Variants in CREB5 observed in about 807,000 individuals in gnomAD.
CREB5 encodes cAMP responsive element binding protein 5.
In CREB5, 19 loss-of-function variants were observed where a neutral mutation model predicts 57.1. That is an observed-to-expected ratio of 0.33 (90% CI 0.23 to 0.49). The LOEUF is 0.49. CREB5 is among the 20% of genes least tolerant of loss of function. The pLI, the probability that CREB5 is intolerant of heterozygous loss-of-function variation, is 0.99. For synonymous variants in CREB5, 238 were observed against 238.3 expected (o/e 1.00, Z 0.01); for missense variants, 579 against 671.6 (o/e 0.86, Z 1.52).
At chr7:28,738,259 G>A (rs774069752) in intron 7 of CREB5, among the ~76,000 whole-genome samples, 3 of 152,062 alleles carry the variant, frequency 2.0e-5, no homozygotes, top group Non-Finnish European at 2.9e-5. Flanking sequence ...CCAACTTTTG[G>A]CATTATTTTT....
chr7:28,326,340 C>A (rs1477823165), intron 1 of CREB5, among the ~76,000 whole-genome samples: 1 of 152,152 alleles, frequency 6.6e-6, no homozygotes, highest in Non-Finnish European at 1.5e-5. Context: ...AGAATCCTGG[C>A]TCCCATTATC....
At chr7:28,737,508 T>G in intron 7 of CREB5, among the ~76,000 whole-genome samples, 1 of 139,110 alleles carries the variant, frequency 7.2e-6, no homozygotes, top group African/African-American at 2.8e-5. Flanking sequence ...TCTCTCTCTG[T>G]GTGTGTGTGT....
chr7:28,784,118 T>C lies in CREB5; in HGVS notation c.703-20081T>C, dbSNP rs576802066. Among the ~76,000 whole-genome samples, 8 of 152,346 alleles carry C rather than the reference T, an allele frequency of 5.3e-5. No individual in the cohort carries two copies. In the East Asian group the frequency reaches 1.5e-3, roughly 29 times the overall value. ...TCCTGTTTGGAGCATCTTTCTACTC[T>C]AGTATTTCATTGCAATTGATGGGCT... On this transcript the variant is annotated intron_variant, in intron 7 of 10. Coordinates refer to ENST00000357727, the MANE Select transcript of CREB5 (RefSeq NM_182898.4).
intron 1 of CREB5, among the ~76,000 whole-genome samples, chr7:28,429,288 A>G (rs1378287233): frequency 1.3e-5 from 2 of 152,148 alleles, no homozygotes; most frequent in Admixed American, 1.3e-4. Context: ...GGCCTCCCAA[A>G]GTGCTGGGAT....
At chr7:28,385,764 A>T (rs955646092) in intron 1 of CREB5, among the ~76,000 whole-genome samples, 1 of 152,182 alleles carries the variant, frequency 6.6e-6, no homozygotes, top group African/African-American at 2.4e-5. Flanking sequence ...ATAAAAATAT[A>T]AATTATTACT....
chr7:28,747,928 C>G (rs1246139650), intron 7 of CREB5, among the ~76,000 whole-genome samples: 4 of 152,116 alleles, frequency 2.6e-5, no homozygotes, highest in Non-Finnish European at 5.9e-5. Flanking sequence ...TGGAAGATGT[C>G]CTTAACAGGC....
At chr7:28,373,144 T>C (rs1162293114) in intron 1 of CREB5, among the ~76,000 whole-genome samples, 1 of 152,188 alleles carries the variant, frequency 6.6e-6, no homozygotes, top group Admixed American at 6.5e-5. Context: ...AGACCTGCGT[T>C]CTATCCCCTC....
At chr7:28,702,910 A>C (rs1801936354) in intron 5 of CREB5, among the ~76,000 whole-genome samples, 1 of 152,216 alleles carries the variant, frequency 6.6e-6, no homozygotes, top group Non-Finnish European at 1.5e-5. Flanking sequence ...CAAAGATCAA[A>C]AGATGCTTCA....
At chr7:28,339,933 G>A (rs187346889) in intron 1 of CREB5, among the ~76,000 whole-genome samples, 169 of 152,302 alleles carry the variant, frequency 1.1e-3, no homozygotes, top group African/African-American at 3.8e-3. Flanking sequence ...AGGCCCACGG[G>A]CAGTACTGTC....
intron 7 of CREB5, among the ~76,000 whole-genome samples, chr7:28,771,771 CTAAT>C (rs1007054934): frequency 3.7e-5 from 4 of 108,652 alleles, no homozygotes; most frequent in African/African-American, 1.4e-4. Context: ...CCTGTAATAT[CTAAT>C]TTATAGTTCC....
intron 1 of CREB5, among the ~76,000 whole-genome samples, chr7:28,422,567 A>C (rs144605809): frequency 2.0e-5 from 3 of 152,234 alleles, no homozygotes; most frequent in Admixed American, 1.3e-4. Flanking sequence ...GAAGCCATGG[A>C]CTCCAGAATG....
rs886171635 is a variant in CREB5 at position 28,822,960 on chromosome 7, T to G, written c.*3681T>G. The G allele has an allele frequency of 6.5e-6, 1 of 152,716 alleles. No individual in the cohort carries two copies. Among genetic ancestry groups the G allele is most frequent in the East Asian group, 1.9e-4 (1 of 5,178 alleles). The allele number at this position is 152,716 out of a possible 1,614,324, so 9.5% of individuals were successfully genotyped here. A position where few individuals can be genotyped will look rare whatever the true frequency, so the allele number is the denominator to read the frequency against. On this transcript the variant is annotated 3_prime_UTR_variant, in exon 11 of 11. Coordinates refer to ENST00000357727, the MANE Select transcript of CREB5 (RefSeq NM_182898.4). ...GTGCTCACAGTATATATTATAGTAATTAGGGTGACTTAGAGCAAATACTCT... is the reference window on the plus strand; with the variant it reads ...GTGCTCACAGTATATATTATAGTAAGTAGGGTGACTTAGAGCAAATACTCT...
rs1330745754 is a variant in CREB5, at chr7:28,494,922, A to G, written c.92A>G (p.Asp31Gly). ...PGCSQRFPTE[D>G]HLMIHRHKHE... ...GTCCGACAGCGCTTCCCAACAGAGG[A>G]CCATCTGATGATTCATAGGCACAAA... Residue 31 changes from aspartate to glycine, a missense_variant, in exon 3 of 11, where the codon GAC (aspartate) becomes GGC (glycine). By Grantham distance (94) the Asp-to-Gly change is moderately conservative. Coordinates refer to ENST00000357727, the MANE Select transcript of CREB5 (RefSeq NM_182898.4). The G allele has an allele frequency of 6.2e-7, 1 of 1,602,174 alleles. No individual in the cohort carries two copies. Among genetic ancestry groups the G allele is most frequent in the East Asian group, 2.2e-5 (1 of 44,596 alleles).
intron 5 of CREB5, among the ~76,000 whole-genome samples, chr7:28,649,121 G>A (rs41325): frequency 0.02 from 3,041 of 152,298 alleles, 106 homozygotes; most frequent in African/African-American, 0.069. Flanking sequence ...GTGGTCAAAG[G>A]TGAACTATAT....
At chr7:28,614,989 T>C (rs1046025286) in intron 5 of CREB5, 17 of 152,266 alleles carry the variant, frequency 1.1e-4, no homozygotes, top group Non-Finnish European at 1.9e-4. Context: ...ACCCATACTA[T>C]ATTAATGTTC....
chr7:28,648,069 G>GA (rs1445588934), intron 5 of CREB5, among the ~76,000 whole-genome samples: 1 of 152,192 alleles, frequency 6.6e-6, no homozygotes, highest in African/African-American at 2.4e-5. Context: ...CGCAGAGTTG[G>GA]AAGGGATATT....
chr7:28,689,319 T>C (rs975126192), intron 5 of CREB5, among the ~76,000 whole-genome samples: 1 of 151,974 alleles, frequency 6.6e-6, no homozygotes, highest in African/African-American at 2.4e-5. Flanking sequence ...ATACAAAAAA[T>C]TAGCCAGGAG....
intron 1 of CREB5, among the ~76,000 whole-genome samples, chr7:28,430,755 T>C (rs1328417165): frequency 6.6e-6 from 1 of 152,224 alleles, no homozygotes; most frequent in East Asian, 1.9e-4. Flanking sequence ...GTATGACACA[T>C]TAGCATCATC....
At chr7:28,306,576 T>TC (rs1785192123) in intron 1 of CREB5, among the ~76,000 whole-genome samples, 1 of 142,136 alleles carries the variant, frequency 7.0e-6, no homozygotes, top group Admixed American at 6.9e-5. Flanking sequence ...TTTTTTTTTT[T>TC]TTGAGACGGA....
Sources: allele counts gnomAD v4.1 joint callset (sites outside exome capture counted in the v4.1 genomes callset), GRCh38; gene constraint gnomAD v4.1.1; transcripts MANE v1.5; gene names NCBI Gene and HGNC (gene_info 2026-07-23, HGNC 2026-07-21).